BMF: variants seen among roughly 807,000 people sequenced by gnomAD.
BMF encodes bcl-2-modifying factor.
A neutral mutation model predicts 22.0 loss-of-function variants in BMF; 10 were observed. That is an observed-to-expected ratio of 0.45 (90% confidence interval 0.28 to 0.77). The LOEUF (loss-of-function observed/expected upper bound fraction) is 0.77, where lower values mean the gene tolerates loss of function less well. Ranked by LOEUF, BMF falls within the 30% of genes least tolerant of loss-of-function variation. The pLI is 0.13. For synonymous variants in BMF, 87 were observed against 88.1 expected (o/e 0.99, Z 0.07); for missense variants, 206 against 226.8 (o/e 0.91, Z 0.59).
At chr15:40,103,180 T>C (rs1405829928) in intron 4 of BMF, among the ~76,000 whole-genome samples, 1 of 152,198 alleles carries the variant, frequency 6.6e-6, no homozygotes, top group African/African-American at 2.4e-5. Context: ...ATGGTCAAGC[T>C]ATTTATTCCC....
Position 40,088,432 on chromosome 15 carries a change from T to G in BMF, c.*3355A>C, listed in dbSNP as rs574808383. The G allele has an allele frequency of 3.9e-5, 6 of 152,432 alleles. No homozygotes were observed. The highest frequency in any genetic ancestry group is 1.4e-4 in the African/African-American group (6 of 41,576). The allele number at this position is 152,432 out of a possible 1,614,324, so 9.4% of individuals were successfully genotyped here. The stretch of plus-strand genomic sequence containing the variant: ...TGTTTCCAGCCCAGGCCAGCACTGA[T>G]TTGCAGAAGGCCTGCAGAGCCATGG... On this transcript the variant is annotated 3_prime_UTR_variant, in exon 5 of 5. Coordinates refer to ENST00000354670, the MANE Select transcript of BMF (RefSeq NM_001003940.2).
At position 40,104,253 on chromosome 15, in the gene BMF, T is replaced by C; in HGVS notation, c.380A>G (p.His127Arg). ...GEQPPEGQWQ[H>R]QAEVQIARKL... ...TCGGGCAATCTGTACCTCTGCTTGA[T>C]GTTGCCACTGCCCTTCGGGGGGCTG... The change falls in exon 4 of 5, where the codon CAT becomes CGT. Residue 127 changes from histidine to arginine, a missense_variant. By Grantham distance (29) the His-to-Arg change is conservative. Coordinates refer to ENST00000354670, the MANE Select transcript of BMF (RefSeq NM_001003940.2). 6.2e-7 allele frequency: 1 copy of C among 1,614,210 alleles called. No homozygotes were observed. Among genetic ancestry groups the C allele is most frequent in the Non-Finnish European group, 8.5e-7 (1 of 1,180,040 alleles).
chr15:40,094,105 A>G (rs1382744162), intron 4 of BMF, among the ~76,000 whole-genome samples: 2 of 152,124 alleles, frequency 1.3e-5, no homozygotes, highest in Non-Finnish European at 2.9e-5. Context: ...AATCATCTCA[A>G]AACAGCTCAA....
At position 40,105,877 on chromosome 15, in the gene BMF, G is replaced by A; in HGVS notation, c.210C>T (p.Thr70=). Residue 70 remains threonine, a synonymous_variant, in exon 3 of 5, where the codon ACC becomes ACT. Transcript: ENST00000354670. ...LRPTSQEDKA[T]QTLSPASPSQ... Reference sequence around the variant, plus strand: ...TGGGGGAGGCTGGGCTGAGAGTCTGGGTAGCTTTGTCTTCCTGGCTGGTGG... The same window carrying A: ...TGGGGGAGGCTGGGCTGAGAGTCTGAGTAGCTTTGTCTTCCTGGCTGGTGG... 1 of 1,614,172 alleles carries A rather than the reference G, an allele frequency of 6.2e-7. No individual in the cohort carries two copies. Among genetic ancestry groups the A allele is most frequent in the Non-Finnish European group, 8.5e-7 (1 of 1,180,024 alleles).
chr15:40,097,165 TATCAAGCACCCAA>T (rs2036379169), intron 4 of BMF, among the ~76,000 whole-genome samples: 2 of 51,596 alleles, frequency 3.9e-5, no homozygotes, highest in Non-Finnish European at 8.1e-5. Context: ...CCAACTGAGC[TATCAAGCACCCAA>T]CTGAGCTACC....
Position 40,106,160 on chromosome 15 carries a change from C to T in BMF, c.-5-69G>A. 1 of 1,489,248 alleles carries T rather than the reference C, an allele frequency of 6.7e-7. No homozygotes were observed. Among genetic ancestry groups the T allele is most frequent in the Admixed American group, 2.2e-5 (1 of 44,644 alleles). The allele number at this position is 1,489,248 out of a possible 1,614,324, so 92.3% of individuals were successfully genotyped here. A position where few individuals can be genotyped will look rare whatever the true frequency, so the allele number is the denominator to read the frequency against. ...GGCCATACCTGGAAGGACTCCCCTT[C>T]CCTTCTTCCTACCATACTCCCCCTT... is the stretch of plus-strand genomic sequence containing the variant. On this transcript the variant is annotated intron_variant, in intron 2 of 4. Transcript: ENST00000354670. This position sits in a 1 kb window ranked among gnomAD's most constrained non-coding sequence, Gnocchi z 4.1.
chr15:40,101,016 A>G (rs2036465707), intron 4 of BMF, among the ~76,000 whole-genome samples: 1 of 152,164 alleles, frequency 6.6e-6, no homozygotes, highest in Non-Finnish European at 1.5e-5. Context: ...ATCTGCCTCT[A>G]GGGTTGCTTT....
At chr15:40,092,675 C>A (rs967867372) in intron 4 of BMF, among the ~76,000 whole-genome samples, 1 of 152,138 alleles carries the variant, frequency 6.6e-6, no homozygotes, top group African/African-American at 2.4e-5. Flanking sequence ...GGAGGTTATC[C>A]CAGGTCCTAC....
At chr15:40,096,153 C>CTTTTT (rs532459310) in intron 4 of BMF, among the ~76,000 whole-genome samples, 11 of 115,130 alleles carry the variant, frequency 9.6e-5, no homozygotes, top group South Asian at 2.7e-4. Context: ...AAAAGGCCTC[C>CTTTTT]TTTTTTTTTT....
At chr15:40,104,698 C>G (rs989482335) in intron 3 of BMF, among the ~76,000 whole-genome samples, 1 of 152,214 alleles carries the variant, frequency 6.6e-6, no homozygotes, top group African/African-American at 2.4e-5. Flanking sequence ...GGTTGAAGCT[C>G]TTCTCTGGAA....
At position 40,089,041 on chromosome 15, in the gene BMF, T is replaced by TC; in HGVS notation, c.*2745dup. The TC allele has an allele frequency of 6.6e-6, 1 of 152,594 alleles. No individual in the cohort carries two copies. Among genetic ancestry groups the TC allele is most frequent in the Admixed American group, 6.6e-5 (1 of 15,264 alleles). 9.5% of individuals were successfully genotyped at this position (152,594 alleles called of 1,614,324 possible). A position where few individuals can be genotyped will look rare whatever the true frequency, so the allele number is the denominator to read the frequency against. On this transcript the variant is annotated 3_prime_UTR_variant, in exon 5 of 5. Transcript: ENST00000354670. ...CTTTCCCGAGGAGGAAGGTTTCCAG[T>TC]CCCTCTCCCAACCCCCACCCTCAGC... is the stretch of plus-strand genomic sequence containing the variant.
chr15:40,090,220 T>A lies in BMF; in HGVS notation c.*1567A>T, dbSNP rs2036206796. The A allele has an allele frequency of 6.6e-6, 1 of 152,584 alleles. No homozygotes were observed. The highest frequency in any genetic ancestry group is 1.5e-5 in the Non-Finnish European group (1 of 68,046). The allele number at this position is 152,584 out of a possible 1,614,324, so 9.5% of individuals were successfully genotyped here. On this transcript the variant is annotated 3_prime_UTR_variant, in exon 5 of 5. Transcript: ENST00000354670. ...AGTGAACAACCTGCACAACTGTACATCCAGAAGATCAATGTCTCCTTCAAT... is the reference window on the plus strand; with the variant it reads ...AGTGAACAACCTGCACAACTGTACAACCAGAAGATCAATGTCTCCTTCAAT...
intron 4 of BMF, among the ~76,000 whole-genome samples, chr15:40,100,407 G>A (rs1260764285): frequency 2.0e-5 from 3 of 152,190 alleles, no homozygotes; most frequent in Non-Finnish European, 2.9e-5. Flanking sequence ...GCAGACCATC[G>A]GGGGTCCCTG....
At chr15:40,105,191 A>G (rs2036561146) in intron 3 of BMF, among the ~76,000 whole-genome samples, 1 of 152,226 alleles carries the variant, frequency 6.6e-6, no homozygotes, top group South Asian at 2.1e-4. Flanking sequence ...AGAAGAAAAC[A>G]GACTGTCTAA....
rs762437657 is a variant in BMF at position 40,105,864 on chromosome 15, G to C, written c.223C>G (p.Pro75Ala). 3.7e-6 allele frequency: 6 copies of C among 1,614,142 alleles called. No individual in the cohort carries two copies. Among genetic ancestry groups the C allele is most frequent in the Non-Finnish European group, 5.1e-6 (6 of 1,180,014 alleles). ...QEDKATQTLS[P>A]ASPSQGVMLP... ...ATGACACCTTGGCTGGGGGAGGCTG[G>C]GCTGAGAGTCTGGGTAGCTTTGTCT... The change falls in exon 3 of 5, where the codon CCA (proline) becomes GCA (alanine). Residue 75 changes from proline (P) to alanine (A), a missense_variant. Coordinates refer to ENST00000354670, the MANE Select transcript of BMF (RefSeq NM_001003940.2).
At chr15:40,096,562 TAATC>T (rs1396411430) in intron 4 of BMF, among the ~76,000 whole-genome samples, 1 of 152,248 alleles carries the variant, frequency 6.6e-6, no homozygotes, top group Admixed American at 6.5e-5. Flanking sequence ...GAGCAGGTAT[TAATC>T]AACCCATTTT....
intron 4 of BMF, among the ~76,000 whole-genome samples, chr15:40,099,424 T>C (rs1335775341): frequency 2.0e-5 from 3 of 152,236 alleles, no homozygotes; most frequent in African/African-American, 7.2e-5. Flanking sequence ...CCTGACTTAA[T>C]AGTTATTTGT....
intron 4 of BMF, among the ~76,000 whole-genome samples, chr15:40,100,918 C>G (rs917671744): frequency 6.6e-6 from 1 of 152,158 alleles, no homozygotes; most frequent in African/African-American, 2.4e-5. Context: ...ACACTCTCCA[C>G]AGGACTATGG....
At position 40,094,587 on chromosome 15, in the gene BMF, C is replaced by G. The variant is rs2036316287; in HGVS notation, c.454-2699G>C. Among the ~76,000 whole-genome samples, 3 of 152,112 alleles carry G rather than the reference C, an allele frequency of 2.0e-5. No homozygotes were observed. The South Asian group carries it at 6.2e-4, about 32-fold the overall frequency. ...GGAAAATGCAGGTATTGTACTAGAT[C>G]AATGGTTTCTAAACCCAACTGTGTC... On this transcript the variant is annotated intron_variant, in intron 4 of 4. Transcript: ENST00000354670.
Sources: allele counts gnomAD v4.1 joint callset (sites outside exome capture counted in the v4.1 genomes callset), GRCh38; gene constraint gnomAD v4.1.1; non-coding constraint Gnocchi (gnomAD v3.1); transcripts MANE v1.5; gene names NCBI Gene and HGNC (gene_info 2026-07-23, HGNC 2026-07-21).